The following TSR1 variants were observed in gnomAD, a reference collection of about 807,000 sequenced individuals.
TSR1 encodes TSR1 ribosome maturation factor.
In TSR1, 81 loss-of-function variants were observed where a neutral mutation model predicts 90.9. The observed-to-expected ratio is 0.89, with a 90% CI of 0.74 to 1.07. The LOEUF (loss-of-function observed/expected upper bound fraction) is 1.07, where lower values mean the gene tolerates loss of function less well. Among genes scored for constraint, TSR1 ranks in the 50% least tolerant of loss-of-function variants. The pLI, the probability that TSR1 is intolerant of heterozygous loss-of-function variation, is 0.00. For missense variants in TSR1, 989 were observed against 987.3 expected, an observed-to-expected ratio of 1.00 and a Z score of -0.02; for synonymous variants, 362 against 348.8, an observed-to-expected ratio of 1.04 and a Z score of -0.42.
At chr17:2,326,358 GGGC>G (rs912044975) in intron 11 of TSR1, among the ~76,000 whole-genome samples, 2 of 151,990 alleles carry the variant, frequency 1.3e-5, no homozygotes, top group African/African-American at 4.8e-5. Flanking sequence ...CCAAGTTAGT[GGGC>G]AACATATCTT....
chr17:2,335,549 C>T lies in TSR1; in HGVS notation c.383G>A (p.Arg128His), dbSNP rs1305809968. 6.8e-6 allele frequency: 11 copies of T among 1,613,974 alleles called. No individual in the cohort carries two copies. The highest frequency in any genetic ancestry group is 4.4e-5 in the South Asian group (4 of 91,082). The change falls in exon 3 of 15, where the codon CGC becomes CAC. Residue 128 changes from arginine (R) to histidine (H), a missense_variant. Coordinates refer to ENST00000301364, the MANE Select transcript of TSR1 (RefSeq NM_018128.5). ...NTQNFMLLCP[R>H]LKHRWFFTSA... ...GGTGAAAAACCACCGATGTTTCAAG[C>T]GGGGGCACAGCAGCATAAAGTTCTG... is the stretch of plus-strand genomic sequence containing the variant.
At chr17:2,334,311 G>A (rs886819725) in intron 5 of TSR1, among the ~76,000 whole-genome samples, 161 bp downstream of exon 5, 5 of 152,176 alleles carry the variant, frequency 3.3e-5, no homozygotes, top group African/African-American at 1.2e-4. Flanking sequence ...GAAAGTGCTG[G>A]ATAAATATGT....
In TSR1 at chr17:2,325,519, T is replaced by C. The variant is rs2151439359; in HGVS notation, c.1904-99A>G. ...TGTATTAGTGCAACTCTTAAACCTA[T>C]GGCAGCTTCTACTTCTCTAAACCAC... is the stretch of plus-strand genomic sequence containing the variant. On this transcript the variant is annotated intron_variant, in intron 11 of 14. Transcript: ENST00000301364. 4 of 879,790 alleles carry C rather than the reference T, an allele frequency of 4.5e-6. No homozygotes were observed. In the South Asian group the frequency reaches 7.3e-5, roughly 16 times the overall value. The allele number at this position is 879,790 out of a possible 1,614,324, so 54.5% of individuals were successfully genotyped here.
Position 2,334,569 on chromosome 17 carries a change from C to T in TSR1, c.884G>A (p.Gly295Asp). Residue 295 changes from glycine to aspartate, a missense_variant, in exon 5 of 15, where the codon GGT becomes GAT. Gly to Asp is a moderately conservative substitution (Grantham distance 94). Transcript: ENST00000301364. ...ATCTATCTGTTTCATCTGGAAATCA[C>T]CATATCCAACGATATGCAGCAACCT... ...VNRLLHIVGY[G>D]DFQMKQIDAP... 1 of 1,614,164 alleles carries T rather than the reference C, an allele frequency of 6.2e-7. No individual in the cohort carries two copies. Among genetic ancestry groups the T allele is most frequent in the South Asian group, 1.1e-5 (1 of 91,078 alleles).
chr17:2,336,238 GC>G, intron 1 of TSR1, 92 bp downstream of exon 1: 1 of 1,601,768 alleles, frequency 6.2e-7, no homozygotes, highest in South Asian at 1.1e-5. Flanking sequence ...TTCGCGTGGA[GC>G]CCAGACGGGA....
chr17:2,331,073 T>C lies in TSR1; in HGVS notation c.1533A>G (p.Thr511=), dbSNP rs925339299. 2 of 1,601,834 alleles carry C rather than the reference T, an allele frequency of 1.2e-6. No individual in the cohort carries two copies. ...QKYRGLKSFR[T]SPWDPKENLP... ...GGTTTTCCTTAGGATCCCATGGAGA[T>C]GTCCGGAAGCTCTTAAGGCCTCTGT... Residue 511 remains threonine, a synonymous_variant, in exon 9 of 15, where the codon ACA becomes ACG. Coordinates refer to ENST00000301364, the MANE Select transcript of TSR1 (RefSeq NM_018128.5).
rs1473159413 is a variant in TSR1, at chr17:2,333,045, A to C, written c.1221T>G (p.Asp407Glu). 1 of 1,614,004 alleles carries C rather than the reference A, an allele frequency of 6.2e-7. No homozygotes were observed. Among genetic ancestry groups the C allele is most frequent in the Non-Finnish European group, 8.5e-7 (1 of 1,180,032 alleles). The part of the protein sequence containing the change: ...TSSYQAEWIL[D>E]GGSQSGGEGD... ...CTTCCCCACCACTTTGGCTGCCACCATCCAAAATCCATTCAGCTTGGTAAC... is the reference window on the plus strand; with the variant it reads ...CTTCCCCACCACTTTGGCTGCCACCCTCCAAAATCCATTCAGCTTGGTAAC... The change falls in exon 7 of 15, where the codon GAT (aspartate) becomes GAG (glutamate). Residue 407 changes from aspartate to glutamate, a missense_variant. Coordinates refer to ENST00000301364, the MANE Select transcript of TSR1 (RefSeq NM_018128.5).
Position 2,335,402 on chromosome 17 carries a change from T to G in TSR1, c.422-8A>C, listed in dbSNP as rs368050815. ...ACACAACGTGCAGATCCCCTGCAGATAGAAGACACAGTAAGAAGAGGTGGT... is the reference window on the plus strand; with the variant it reads ...ACACAACGTGCAGATCCCCTGCAGAGAGAAGACACAGTAAGAAGAGGTGGT... On this transcript the variant is annotated splice_polypyrimidine_tract_variant and splice_region_variant and intron_variant, in intron 3 of 14. Transcript: ENST00000301364. 1 of 1,605,210 alleles carries G rather than the reference T, an allele frequency of 6.2e-7. No individual in the cohort carries two copies. Among genetic ancestry groups the G allele is most frequent in the Non-Finnish European group, 8.5e-7 (1 of 1,178,192 alleles).
At position 2,323,710 on chromosome 17, in the gene TSR1, G is replaced by A; in HGVS notation, c.*486C>T. On this transcript the variant is annotated 3_prime_UTR_variant, in exon 15 of 15. Coordinates refer to ENST00000301364, the MANE Select transcript of TSR1 (RefSeq NM_018128.5). ...AAACTACTCATTGAACCTACAGCTG[G>A]TGTTGGAGTGGCTGCTGTGCTGTCT... 3 of 1,614,212 alleles carry A rather than the reference G, an allele frequency of 1.9e-6. No homozygotes were observed. Among genetic ancestry groups the A allele is most frequent in the Non-Finnish European group, 1.7e-6 (2 of 1,180,040 alleles).
intron 11 of TSR1, among the ~76,000 whole-genome samples, chr17:2,326,418 T>G (rs1012409264): frequency 1.3e-5 from 2 of 151,860 alleles, no homozygotes; most frequent in Non-Finnish European, 2.9e-5. Flanking sequence ...GCAAGTCCCG[T>G]CCAGTAGTCT....
In TSR1 at chr17:2,323,161, A is replaced by G. The variant is rs754179577; in HGVS notation, c.*1035T>C. 8 of 1,614,092 alleles carry G rather than the reference A, an allele frequency of 5.0e-6. No homozygotes were observed. The Admixed American group carries it at 1.0e-4, about 20-fold the overall frequency. ...GCTCTGAAACCTAGTGTGAAGGTAT[A>G]TGCTGCTGAACCCTCAAATGCAGAT... On this transcript the variant is annotated 3_prime_UTR_variant, in exon 15 of 15. Transcript: ENST00000301364.
intron 8 of TSR1, among the ~76,000 whole-genome samples, chr17:2,331,847 T>C (rs1390977176): frequency 6.6e-6 from 1 of 152,236 alleles, no homozygotes; most frequent in Admixed American, 6.5e-5. Flanking sequence ...ACTTCTGCTA[T>C]TCTACCCAAA....
At chr17:2,327,932 A>G (rs2075584215) in intron 11 of TSR1, among the ~76,000 whole-genome samples, 2 of 152,208 alleles carry the variant, frequency 1.3e-5, no homozygotes, top group African/African-American at 4.8e-5. Flanking sequence ...CCTAAAAAAA[A>G]AAATCAAAAC....
chr17:2,328,635 G>A (rs2075587819), intron 11 of TSR1, among the ~76,000 whole-genome samples: 1 of 149,590 alleles, frequency 6.7e-6, no homozygotes, highest in African/African-American at 2.5e-5. Context: ...AAAAAAACAA[G>A]AGGGGGCGCG....
intron 11 of TSR1, 152 bp from the exon 12 acceptor site, chr17:2,325,572 A>G: frequency 1.7e-6 from 1 of 593,404 alleles, no homozygotes; most frequent in Non-Finnish European, 3.0e-6. Context: ...CGCTGCCTCA[A>G]TGCACCTAAA....
At chr17:2,326,282 C>A (rs568185279) in intron 11 of TSR1, among the ~76,000 whole-genome samples, 7 of 152,316 alleles carry the variant, frequency 4.6e-5, no homozygotes, top group Non-Finnish European at 8.8e-5. Context: ...ACCATTAATA[C>A]TGCTTTCTTC....
rs1450459893 is a variant in TSR1, at chr17:2,323,333, G to C, written c.*863C>G. 1.2e-6 allele frequency: 2 copies of C among 1,613,844 alleles called. No homozygotes were observed. Among genetic ancestry groups the C allele is most frequent in the Non-Finnish European group, 1.7e-6 (2 of 1,179,892 alleles). On this transcript the variant is annotated 3_prime_UTR_variant, in exon 15 of 15. Coordinates refer to ENST00000301364, the MANE Select transcript of TSR1 (RefSeq NM_018128.5). ...TGGATGATATCTTCACTGTCACAGA[G>C]GATGAAATTAAGGTGAGGCTCCAGC...
chr17:2,334,835 C>T lies in TSR1; in HGVS notation c.618G>A (p.Lys206=), dbSNP rs755300081. The change falls in exon 5 of 15, where the codon AAG becomes AAA. Residue 206 remains lysine, a synonymous_variant. Coordinates refer to ENST00000301364, the MANE Select transcript of TSR1 (RefSeq NM_018128.5). ...PLKKQIDTRK[K]LSKAVEKRFP... ...AGCGCTTCTCCACTGCTTTACTTAGCTTCTTCCTGGTATCTATTTGTTTCT... is the reference window on the plus strand; with the variant it reads ...AGCGCTTCTCCACTGCTTTACTTAGTTTCTTCCTGGTATCTATTTGTTTCT... 6.2e-7 allele frequency: 1 copy of T among 1,614,188 alleles called. No individual in the cohort carries two copies. Among genetic ancestry groups the T allele is most frequent in the Non-Finnish European group, 8.5e-7 (1 of 1,180,044 alleles).
intron 10 of TSR1, among the ~76,000 whole-genome samples, chr17:2,329,842 G>C (rs1224811362): frequency 6.6e-6 from 1 of 151,612 alleles, no homozygotes; most frequent in South Asian, 2.1e-4. Context: ...TACCAAAACC[G>C]ATCAAAGAAC....
Sources: allele counts gnomAD v4.1 joint callset (sites outside exome capture counted in the v4.1 genomes callset), GRCh38; gene constraint gnomAD v4.1.1; transcripts MANE v1.5; gene names NCBI Gene and HGNC (gene_info 2026-07-23, HGNC 2026-07-21).